The following SDK2 variants were observed in gnomAD, a reference collection of about 807,000 sequenced individuals.
SDK2 encodes the protein sidekick cell adhesion molecule 2.
SDK2 carries 105 observed loss-of-function variants against 253.9 expected under a neutral mutation model. The observed-to-expected ratio is 0.41, with a 90% CI of 0.35 to 0.49. The LOEUF is 0.49. Among genes scored for constraint, SDK2 ranks in the 20% least tolerant of loss-of-function variants. The pLI is 0.06. For synonymous variants in SDK2, 1,249 were observed against 1,234.9 expected (o/e 1.01, Z -0.24); for missense variants, 2,608 against 3,003.0 (o/e 0.87, Z 3.07).
intron 1 of SDK2, among the ~76,000 whole-genome samples, chr17:73,549,196 G>A (rs760525586): frequency 2.0e-5 from 3 of 152,322 alleles, no homozygotes; most frequent in Admixed American, 6.5e-5. Flanking sequence ...CAGAGAAGCC[G>A]GAGTGAGGAG....
intron 2 of SDK2, among the ~76,000 whole-genome samples, chr17:73,484,699 A>T (rs2063759302): frequency 1.3e-5 from 2 of 152,172 alleles, no homozygotes; most frequent in Admixed American, 6.5e-5. Context: ...TCCCAGGGAG[A>T]ATCCTTCCTG....
In SDK2 at chr17:73,525,839, T is replaced by C. The variant is rs377175406; in HGVS notation, c.65-18242A>G. Among the ~76,000 whole-genome samples, 112 of 152,300 alleles carry C rather than the reference T, an allele frequency of 7.4e-4. 3 individuals are homozygous for C. The South Asian group carries it at 0.022, about 30-fold the overall frequency. ...CAGCTCTTAGCCATAATGCAGAATA[T>C]GCATTTCAACCATTCATTCTTTCAC... On this transcript the variant is annotated intron_variant, in intron 1 of 44. Transcript: ENST00000392650.
chr17:73,353,838 G>A (rs763022076), intron 40 of SDK2, among the ~76,000 whole-genome samples: 6 of 150,292 alleles, frequency 4.0e-5, no homozygotes, highest in African/African-American at 9.8e-5. Context: ...CGGATAGCTG[G>A]GATTACAGGC....
In SDK2 at chr17:73,616,014, C is replaced by T. The variant is rs1274747859; in HGVS notation, c.64+28011G>A. Among the ~76,000 whole-genome samples, 1 of 152,098 alleles carries T rather than the reference C, an allele frequency of 6.6e-6. No homozygotes were observed. The highest frequency in any genetic ancestry group is 1.5e-5 in the Non-Finnish European group (1 of 68,022). On this transcript the variant is annotated intron_variant, in intron 1 of 44. Transcript: ENST00000392650. The surrounding 1 kb of genome is among the most constrained non-coding windows in gnomAD (Gnocchi z 5.2). ...ACACGTACACACGCATGCATGTAGA[C>T]ACATATGCATATACACATGAACACA...
chr17:73,360,234 C>T lies in SDK2; in HGVS notation c.5467+1450G>A, dbSNP rs552899712. On this transcript the variant is annotated intron_variant, in intron 39 of 44. Transcript: ENST00000392650. ...CGGCTGGGTGGCTCCTGGGCTGCCT[C>T]CTGCAGGCTTTGTCCTGAGTTTGCC... 8.5e-5 allele frequency among the ~76,000 whole-genome samples: 13 copies of T among 152,332 alleles called. No homozygotes were observed. In the South Asian group the frequency reaches 2.7e-3, roughly 32 times the overall value.
chr17:73,338,644 G>T lies in SDK2; in HGVS notation c.6462C>A (p.Pro2154=), dbSNP rs1490244316. 5 of 1,543,466 alleles carry T rather than the reference G, an allele frequency of 3.2e-6. No homozygotes were observed. Among genetic ancestry groups the T allele is most frequent in the South Asian group, 2.5e-5 (2 of 79,302 alleles). Residue 2154 remains proline (P), a synonymous_variant, in exon 45 of 45, where the codon CCC becomes CCA. Transcript: ENST00000392650. The surrounding 1 kb of genome is among the most constrained non-coding windows in gnomAD (Gnocchi z 5.0). Reference sequence around the variant, plus strand: ...CCCGGGAGCCTGGGGCCAGGCTGCTGGGGGGACGGTAGAGGGTGCTCTGCT... The same window carrying T: ...CCCGGGAGCCTGGGGCCAGGCTGCTTGGGGGACGGTAGAGGGTGCTCTGCT... ...PSQQSTLYRP[P]SSLAPGSRAP...
intron 1 of SDK2, among the ~76,000 whole-genome samples, chr17:73,554,565 C>A (rs2145841936): frequency 6.6e-6 from 1 of 152,332 alleles, no homozygotes; most frequent in East Asian, 1.9e-4. Context: ...AAGAAAACAA[C>A]CCCCATAACA....
intron 12 of SDK2, among the ~76,000 whole-genome samples, chr17:73,426,473 G>A (rs2145597747): frequency 6.6e-6 from 1 of 152,114 alleles, no homozygotes; most frequent in African/African-American, 2.4e-5. Flanking sequence ...ACATGTGTCA[G>A]TACAGCTGTT....
intron 44 of SDK2, among the ~76,000 whole-genome samples, chr17:73,343,125 C>T (rs903301308): frequency 6.6e-6 from 1 of 152,216 alleles, no homozygotes; most frequent in African/African-American, 2.4e-5. Context: ...CTCCTAGGGG[C>T]CCAGATCCCA....
chr17:73,626,108 A>T (rs1306723688), intron 1 of SDK2, among the ~76,000 whole-genome samples: 2 of 152,206 alleles, frequency 1.3e-5, no homozygotes, highest in Non-Finnish European at 2.9e-5. Flanking sequence ...GCAAGCCCCA[A>T]CCTCCAGGCA....
At chr17:73,402,837 G>A (rs569678392) in intron 18 of SDK2, among the ~76,000 whole-genome samples, 7 of 151,942 alleles carry the variant, frequency 4.6e-5, no homozygotes, top group Non-Finnish European at 5.9e-5. Flanking sequence ...TTACTTTGTC[G>A]CCCAGGCTGC....
intron 1 of SDK2, among the ~76,000 whole-genome samples, chr17:73,617,197 G>T (rs1230930215): frequency 6.8e-6 from 1 of 147,220 alleles, no homozygotes; most frequent in Admixed American, 6.7e-5. Flanking sequence ...GGAGGGGAGG[G>T]GCCTCCTGCA....
At chr17:73,363,615 G>A (rs906463697) in intron 38 of SDK2, among the ~76,000 whole-genome samples, 2 of 152,184 alleles carry the variant, frequency 1.3e-5, no homozygotes, top group Non-Finnish European at 2.9e-5. Flanking sequence ...GGGCTGTCCA[G>A]GCGGGGCCTT....
At position 73,366,999 on chromosome 17, in the gene SDK2, C is replaced by T. The variant is rs112719453; in HGVS notation, c.5167+1408G>A. On this transcript the variant is annotated intron_variant, in intron 37 of 44. Transcript: ENST00000392650. ...AGCCCTCCCATGGCTTCCCAGCATACTTTTTAAATTTTTTTATTTTTTAAG... is the reference window on the plus strand; with the variant it reads ...AGCCCTCCCATGGCTTCCCAGCATATTTTTTAAATTTTTTTATTTTTTAAG... Among the ~76,000 whole-genome samples the T allele has an allele frequency of 8.2e-3, 1,251 of 152,226 alleles. 10 individuals are homozygous for T. The highest frequency in any genetic ancestry group is 0.028 in the African/African-American group (1,180 of 41,542).
At chr17:73,462,461 T>A (rs1253799200) in intron 3 of SDK2, among the ~76,000 whole-genome samples, 1 of 152,064 alleles carries the variant, frequency 6.6e-6, no homozygotes, top group Non-Finnish European at 1.5e-5. Flanking sequence ...CACACACACA[T>A]ACATGTTTAT....
chr17:73,387,851 C>A lies in SDK2; in HGVS notation c.4379G>T (p.Ser1460Ile). 1 of 1,582,922 alleles carries A rather than the reference C, an allele frequency of 6.3e-7. No individual in the cohort carries two copies. Among genetic ancestry groups the A allele is most frequent in the Non-Finnish European group, 8.6e-7 (1 of 1,164,404 alleles). Residue 1460 changes from serine to isoleucine, a missense_variant, in exon 30 of 45, where the codon AGC becomes ATC. Physicochemically the swap from Ser to Ile is moderately radical, Grantham distance 142. Transcript: ENST00000392650. ...CGAGCCTTACCTGTCCACAATGAAG[C>A]TGGAGGCATTGTGGCTCACGGAGGC... ...HSASVSHNAS[S>I]FIVDRLKPFT...
intron 15 of SDK2, among the ~76,000 whole-genome samples, chr17:73,419,868 A>G (rs1033978497): frequency 1.3e-4 from 20 of 151,198 alleles, no homozygotes; most frequent in Non-Finnish European, 2.4e-4. Flanking sequence ...TGGGAAACAG[A>G]GACCCTGTCT....
chr17:73,388,445 T>G (rs2062892896), intron 29 of SDK2, among the ~76,000 whole-genome samples: 1 of 152,206 alleles, frequency 6.6e-6, no homozygotes, highest in African/African-American at 2.4e-5. Context: ...GGCCCTAGCT[T>G]GGCTTCCTTC....
intron 2 of SDK2, among the ~76,000 whole-genome samples, chr17:73,506,152 T>C (rs1331739966): frequency 3.9e-5 from 6 of 152,216 alleles, no homozygotes; most frequent in Non-Finnish European, 8.8e-5. Context: ...GTCCAAAGTC[T>C]AAGATGATGC....
Sources: allele counts gnomAD v4.1 joint callset (sites outside exome capture counted in the v4.1 genomes callset), GRCh38; gene constraint gnomAD v4.1.1; non-coding constraint Gnocchi (gnomAD v3.1); transcripts MANE v1.5; gene names NCBI Gene and HGNC (gene_info 2026-07-23, HGNC 2026-07-21).